The following TMEM67 variants were observed in gnomAD, a reference collection of about 807,000 sequenced individuals.
The protein encoded by TMEM67 is meckelin.
Under a neutral mutation model 136.6 loss-of-function variants are expected in TMEM67, and 124 were observed. The ratio of observed to expected loss-of-function variants is 0.91; its 90% confidence interval spans 0.78 to 1.05. The LOEUF (loss-of-function observed/expected upper bound fraction) is 1.05, where lower values mean the gene tolerates loss of function less well. TMEM67 is among the 50% of genes least tolerant of loss of function. TMEM67 has a pLI of 0.00. For missense variants in TMEM67, 1,107 were observed against 1,178.4 expected (o/e 0.94, Z 0.89); for synonymous variants, 364 against 390.5 (o/e 0.93, Z 0.80).
chr8:93,781,694 A>G lies in TMEM67; in HGVS notation c.1015A>G (p.Ile339Val). ...KLKFVAASYD[I>V]RGNFLKWQTL... ...GAAGTTTGTTGCTGCTTCCTATGAT[A>G]TAAGAGGAAATTTTCTCAAGTGGCA... Residue 339 changes from isoleucine (I) to valine (V), a missense_variant, in exon 10 of 28, where the codon ATA (isoleucine) becomes GTA (valine). Physicochemically the swap from Ile to Val is conservative, Grantham distance 29 (BLOSUM62 3). Transcript: ENST00000453321. The G allele has an allele frequency of 6.2e-7, 1 of 1,609,952 alleles. No homozygotes were observed. Among genetic ancestry groups the G allele is most frequent in the Non-Finnish European group, 8.5e-7 (1 of 1,177,608 alleles).
At chr8:93,790,773 C>T (rs1814340699) in intron 14 of TMEM67, among the ~76,000 whole-genome samples, 1 of 152,188 alleles carries the variant, frequency 6.6e-6, no homozygotes, top group South Asian at 2.1e-4. Context: ...TATTCTGTGA[C>T]CATGGTAAGA....
In TMEM67 at chr8:93,786,360, T is replaced by C; in HGVS notation, c.1412+14T>C. 6.2e-7 allele frequency: 1 copy of C among 1,612,504 alleles called. No individual in the cohort carries two copies. Among genetic ancestry groups the C allele is most frequent in the Non-Finnish European group, 8.5e-7 (1 of 1,178,854 alleles). The stretch of plus-strand genomic sequence containing the variant: ...AATATCACTGAGGTAAACAAATGTC[T>C]AATGATATTATTTATGGGAAAATAT... On this transcript the variant is annotated intron_variant, in intron 13 of 27. Coordinates refer to ENST00000453321, the MANE Select transcript of TMEM67 (RefSeq NM_153704.6).
chr8:93,767,863 CTTTTT>C (rs200241819), intron 6 of TMEM67, among the ~76,000 whole-genome samples: 2 of 109,908 alleles, frequency 1.8e-5, no homozygotes, highest in African/African-American at 3.7e-5. Flanking sequence ...TTTCTTTTTT[CTTTTT>C]TTTTTTTTTT....
At chr8:93,821,672 G>A (rs1336208626), downstream of TMEM67, among the ~76,000 whole-genome samples, 1 of 152,176 alleles carries the variant, frequency 6.6e-6, no homozygotes, top group Non-Finnish European at 1.5e-5. Context: ...GCCAAGGCGG[G>A]TGGATCACTT....
intron 1 of TMEM67, 25 bp from the exon 2 acceptor site, chr8:93,755,750 GCTT>G (rs1812539492): frequency 3.0e-6 from 3 of 1,001,048 alleles, no homozygotes; most frequent in East Asian, 2.8e-5. Flanking sequence ...GATAAAATTG[GCTT>G]TTTTTTTTTT....
chr8:93,765,512 T>C (rs1317823003), intron 5 of TMEM67, 37 bp downstream of exon 5: 3 of 1,602,108 alleles, frequency 1.9e-6, no homozygotes, highest in African/African-American at 2.7e-5. Context: ...TATATATTTT[T>C]AATTCAGTTG....
intron 23 of TMEM67, among the ~76,000 whole-genome samples, chr8:93,807,876 AT>A (rs1406354961): frequency 6.6e-6 from 1 of 151,668 alleles, no homozygotes; most frequent in East Asian, 1.9e-4. Context: ...TCAAATCAAA[AT>A]TTTTTTTACA....
rs747342409 is a variant in TMEM67 at position 93,815,292 on chromosome 8, AT to A, written c.2765-6del. 41 of 1,493,410 alleles carry A rather than the reference AT, an allele frequency of 2.7e-5. No individual in the cohort carries two copies. The highest frequency in any genetic ancestry group is 1.1e-4 in the Admixed American group (5 of 46,260). 92.5% of individuals were successfully genotyped at this position (1,493,410 alleles called of 1,614,324 possible). ...TAAATTTCTAATTTATATTTTCTAA[AT>A]TTTTTTAATAGATGAAGGTTATTCT... On this transcript the variant is annotated splice_polypyrimidine_tract_variant and intron_variant, in intron 26 of 27. Coordinates refer to ENST00000453321, the MANE Select transcript of TMEM67 (RefSeq NM_153704.6).
In TMEM67 at chr8:93,808,850, G is replaced by C; in HGVS notation, c.2450G>C (p.Cys817Ser). 1 of 1,606,118 alleles carries C rather than the reference G, an allele frequency of 6.2e-7. No homozygotes were observed. The highest frequency in any genetic ancestry group is 1.3e-5 in the African/African-American group (1 of 74,790). Residue 817 changes from cysteine (C) to serine (S), a missense_variant, in exon 24 of 28, where the codon TGT becomes TCT. Cys to Ser is a moderately radical substitution (Grantham distance 112). This residue lies in a region of TMEM67 where 925 missense variants were observed against 1,002.4 expected (regional missense o/e 0.92). Coordinates refer to ENST00000453321, the MANE Select transcript of TMEM67 (RefSeq NM_153704.6). ...MNLKREAENL[C>S]SQRGLVPNTD... Reference sequence around the variant, plus strand: ...TCTTTAACTTTTCAGGAAAATTTGTGTAGCCAGAGAGGTTTGGTACCCAAC... The same window carrying C: ...TCTTTAACTTTTCAGGAAAATTTGTCTAGCCAGAGAGGTTTGGTACCCAAC...
chr8:93,803,369 A>C (rs1447527596), intron 21 of TMEM67, among the ~76,000 whole-genome samples: 2 of 152,198 alleles, frequency 1.3e-5, no homozygotes, highest in Non-Finnish European at 2.9e-5. Context: ...TTAATGACAC[A>C]CAACAGTTTT....
At chr8:93,828,844 G>A in the TMEM67 span, among the ~76,000 whole-genome samples, 2 of 152,098 alleles carry the variant, frequency 1.3e-5, no homozygotes, top group Non-Finnish European at 2.9e-5. Context: ...TGCTAAGAAG[G>A]CAAACAAGAC....
rs1161775010 is a variant in TMEM67 at position 93,804,857 on chromosome 8, T to C, written c.2418T>C (p.Asn806=). The part of the protein sequence containing the change: ...GHADTNMEEM[N]MNLKREAENL... ...CAGATACTAATATGGAAGAAATGAA[T>C]ATGAACCTTAAAAGAGAAGCGGTAT... The change falls in exon 23 of 28, where the codon AAT becomes AAC. Residue 806 remains asparagine, a synonymous_variant. Coordinates refer to ENST00000453321, the MANE Select transcript of TMEM67 (RefSeq NM_153704.6). 3 of 1,584,704 alleles carry C rather than the reference T, an allele frequency of 1.9e-6. No individual in the cohort carries two copies. Among genetic ancestry groups the C allele is most frequent in the East Asian group, 2.2e-5 (1 of 44,626 alleles).
chr8:93,786,748 C>T (rs1433615924), intron 13 of TMEM67, among the ~76,000 whole-genome samples: 2 of 152,150 alleles, frequency 1.3e-5, no homozygotes, highest in East Asian at 3.9e-4. Flanking sequence ...CAACACCTCC[C>T]TCTTCCTAGG....
intron 20 of TMEM67, 142 bp from the exon 21 acceptor site, chr8:93,799,476 T>A (rs1814768835): frequency 1.6e-6 from 1 of 618,812 alleles, no homozygotes; most frequent in Non-Finnish European, 2.8e-6. Flanking sequence ...AATAATTATT[T>A]TTATCTAGAT....
At chr8:93,775,865 A>G (rs1003723557) in intron 7 of TMEM67, among the ~76,000 whole-genome samples, 16 of 152,132 alleles carry the variant, frequency 1.1e-4, no homozygotes, top group South Asian at 2.1e-4. Context: ...GGAACTTTAC[A>G]GTAGTTTTTT....
intron 13 of TMEM67, among the ~76,000 whole-genome samples, chr8:93,786,609 CTAAG>C (rs1216981567): frequency 1.3e-5 from 2 of 152,166 alleles, no homozygotes; most frequent in Non-Finnish European, 2.9e-5. Flanking sequence ...TTGCGAATAG[CTAAG>C]TAAATACCAG....
intron 7 of TMEM67, among the ~76,000 whole-genome samples, chr8:93,774,197 T>G (rs1372693356): frequency 6.6e-6 from 1 of 152,028 alleles, no homozygotes; most frequent in African/African-American, 2.4e-5. Flanking sequence ...CTATTTTTAG[T>G]AGAGACAGGG....
chr8:93,758,846 G>T (rs1294612518), intron 3 of TMEM67: 2 of 384,608 alleles, frequency 5.2e-6, no homozygotes, highest in East Asian at 1.0e-4. Context: ...AGATCTTCCT[G>T]CCTCAGCCTC....
the TMEM67 span, among the ~76,000 whole-genome samples, chr8:93,830,329 T>A: frequency 6.6e-6 from 1 of 152,164 alleles, no homozygotes; most frequent in South Asian, 2.1e-4. Flanking sequence ...TAATATCCTT[T>A]ATAACAAACT....
Sources: gnomAD v4.1 joint callset for allele counts (sites outside exome capture counted in the v4.1 genomes callset) on GRCh38, gnomAD v4.1.1 for gene constraint, gnomAD v4.1.1 regional missense constraint, MANE v1.5 for transcripts, NCBI Gene and HGNC (gene_info 2026-07-23, HGNC 2026-07-21) for gene names.